Variants in NBAS observed in about 807,000 individuals in gnomAD.
The protein encoded by NBAS is NBAS subunit of NRZ tethering complex.
In NBAS, 219 loss-of-function variants were observed where a neutral mutation model predicts 302.5. That is an observed-to-expected ratio of 0.72 (90% CI 0.65 to 0.81). NBAS has a LOEUF of 0.81. Ranked by LOEUF, NBAS falls within the 30% of genes least tolerant of loss-of-function variation. The probability of loss-of-function intolerance (pLI) is 0.00; values close to 1 mark genes in which losing one functional copy is unlikely to be tolerated. For missense variants in NBAS, 2,932 were observed against 2,841.6 expected (o/e 1.03, Z -0.72); for synonymous variants, 1,118 against 1,021.6 (o/e 1.09, Z -1.80).
At chr2:15,187,929 C>A (rs917094153) in intron 49 of NBAS, among the ~76,000 whole-genome samples, 2 of 152,226 alleles carry the variant, frequency 1.3e-5, no homozygotes, top group Non-Finnish European at 2.9e-5. Context: ...CTGCTTACTT[C>A]AAGGTACACA....
At chr2:15,142,437 C>T in the NBAS span, among the ~76,000 whole-genome samples, 10 of 152,310 alleles carry the variant, frequency 6.6e-5, no homozygotes, top group Middle Eastern at 6.8e-3. Flanking sequence ...CTGCAGATGA[C>T]GTCAGGAGGC....
the NBAS span, among the ~76,000 whole-genome samples, chr2:14,863,226 T>C: frequency 0.056 from 8,477 of 152,280 alleles, 790 homozygotes; most frequent in African/African-American, 0.19. Flanking sequence ...TTGGTTGTCA[T>C]GCATGTCCAT....
chr2:15,374,321 C>A (rs1553299626), intron 31 of NBAS, among the ~76,000 whole-genome samples: 1 of 152,078 alleles, frequency 6.6e-6, no homozygotes, highest in Non-Finnish European at 1.5e-5. Context: ...TCCCCAATAT[C>A]TTTTTTTGTT....
chr2:15,423,460 A>T (rs1218589331), intron 23 of NBAS, among the ~76,000 whole-genome samples: 5 of 152,220 alleles, frequency 3.3e-5, no homozygotes, highest in Non-Finnish European at 5.9e-5. Flanking sequence ...TAGATAAACT[A>T]AGTAGAAATT....
At chr2:15,036,262 T>C in the NBAS span, among the ~76,000 whole-genome samples, 1 of 152,214 alleles carries the variant, frequency 6.6e-6, no homozygotes, top group Admixed American at 6.5e-5. Context: ...AGCAGAGTCA[T>C]TGGTATAAAA....
the NBAS span, among the ~76,000 whole-genome samples, chr2:14,801,871 T>C: frequency 1.3e-5 from 2 of 151,208 alleles, no homozygotes; most frequent in Non-Finnish European, 2.9e-5. Flanking sequence ...ATGGGGTTGT[T>C]TGTTTTTTTC....
Position 15,277,226 on chromosome 2 carries a change from A to G in NBAS, c.5139-125T>C, listed in dbSNP as rs144088927. The G allele has an allele frequency of 0.04, 49,492 of 1,223,142 alleles. 1,262 individuals are homozygous for G. Among genetic ancestry groups the G allele is most frequent in the Non-Finnish European group, 0.045 (39,465 of 885,856 alleles). 75.8% of individuals were successfully genotyped at this position (1,223,142 alleles called of 1,614,324 possible). A position where few individuals can be genotyped will look rare whatever the true frequency, so the allele number is the denominator to read the frequency against. Reference sequence around the variant, plus strand: ...TTCTTCCTGCCTACTCAAAGACAGTAAACCACCACCAGAAGCCAGTCAGCC... The same window carrying G: ...TTCTTCCTGCCTACTCAAAGACAGTGAACCACCACCAGAAGCCAGTCAGCC... On this transcript the variant is annotated intron_variant, in intron 42 of 51. Coordinates refer to ENST00000281513, the MANE Select transcript of NBAS (RefSeq NM_015909.4).
At chr2:15,272,799 A>AAT (rs1669380675) in intron 44 of NBAS, among the ~76,000 whole-genome samples, 1 of 152,174 alleles carries the variant, frequency 6.6e-6, no homozygotes, top group East Asian at 1.9e-4. Context: ...AACCCAACAA[A>AAT]ATACACATAT....
At chr2:14,843,583 A>ACACACACAC in the NBAS span, among the ~76,000 whole-genome samples, 3 of 94,160 alleles carry the variant, frequency 3.2e-5, no homozygotes, top group African/African-American at 4.0e-4. Context: ...CACACACACA[A>ACACACACAC]AAATACCTTC....
chr2:14,826,337 A>C, the NBAS span, among the ~76,000 whole-genome samples: 1 of 152,254 alleles, frequency 6.6e-6, no homozygotes, highest in Non-Finnish European at 1.5e-5. Flanking sequence ...ATTTATTCTG[A>C]ATAAACATTG....
the NBAS span, among the ~76,000 whole-genome samples, chr2:15,049,169 G>T: frequency 1.2e-4 from 19 of 152,296 alleles, no homozygotes; most frequent in African/African-American, 4.6e-4. Context: ...CAGGACTCAA[G>T]GCCGGCAGCT....
the NBAS span, among the ~76,000 whole-genome samples, chr2:15,127,905 G>A: frequency 2.0e-5 from 3 of 152,224 alleles, no homozygotes; most frequent in East Asian, 3.9e-4. Context: ...AATGTAGGGC[G>A]ACTCGATGAG....
At chr2:15,026,124 T>C in the NBAS span, among the ~76,000 whole-genome samples, 2 of 151,540 alleles carry the variant, frequency 1.3e-5, no homozygotes, top group African/African-American at 4.9e-5. Context: ...GCCTAGTTTA[T>C]TGAGAGTTTT....
At chr2:15,348,269 G>A (rs1038086295) in intron 35 of NBAS, among the ~76,000 whole-genome samples, 3 of 152,154 alleles carry the variant, frequency 2.0e-5, no homozygotes, top group African/African-American at 7.2e-5. Flanking sequence ...AGGCAGACAG[G>A]AAAGCTTTTA....
chr2:14,984,875 C>A, the NBAS span, among the ~76,000 whole-genome samples: 1 of 152,142 alleles, frequency 6.6e-6, no homozygotes, highest in African/African-American at 2.4e-5. Context: ...AAAGCCCCAG[C>A]CTGTGAGATG....
At chr2:14,868,169 A>G in the NBAS span, among the ~76,000 whole-genome samples, 1 of 152,188 alleles carries the variant, frequency 6.6e-6, no homozygotes, top group Admixed American at 6.5e-5. Flanking sequence ...TATACCTTAT[A>G]AATAACAAAA....
chr2:15,334,198 T>G (rs534801624), intron 35 of NBAS, among the ~76,000 whole-genome samples: 1 of 16,878 alleles, frequency 5.9e-5, no homozygotes, highest in East Asian at 3.8e-4. Context: ...TTTCTTTTCT[T>G]TTTTTTTTTG....
intron 48 of NBAS, among the ~76,000 whole-genome samples, chr2:15,215,247 T>C (rs959317333): frequency 2.0e-5 from 3 of 152,190 alleles, no homozygotes; most frequent in African/African-American, 7.2e-5. Context: ...GGCCTCTGAA[T>C]TTTTAATTCT....
intron 47 of NBAS, among the ~76,000 whole-genome samples, chr2:15,222,607 T>C (rs1430694767): frequency 1.3e-5 from 2 of 152,244 alleles, no homozygotes; most frequent in Admixed American, 6.5e-5. Context: ...CTCCAATTTG[T>C]AGATGAGGTA....
Sources: allele counts gnomAD v4.1 joint callset (sites outside exome capture counted in the v4.1 genomes callset), GRCh38; gene constraint gnomAD v4.1.1; transcripts MANE v1.5; gene names NCBI Gene and HGNC (gene_info 2026-07-23, HGNC 2026-07-21).